Variants in WFDC3 observed in about 807,000 individuals in gnomAD.
WFDC3 encodes the protein WAP four-disulfide core domain 3, also known as WAP four-disulfide core domain protein 3.
WFDC3 carries 15 observed loss-of-function variants against 25.8 expected under a neutral mutation model. The ratio of observed to expected loss-of-function variants is 0.58; its 90% CI spans 0.39 to 0.89. The LOEUF (loss-of-function observed/expected upper bound fraction) is 0.89. Among genes scored for constraint, WFDC3 ranks in the 40% least tolerant of loss-of-function variants. The probability of loss-of-function intolerance (pLI) is 0.00; values close to 1 mark genes in which losing one functional copy is unlikely to be tolerated. For synonymous variants in WFDC3, 103 were observed against 107.1 expected, an observed-to-expected ratio of 0.96 and a Z score of 0.24; for missense variants, 264 against 289.8, an observed-to-expected ratio of 0.91 and a Z score of 0.65.
intron 4 of WFDC3, among the ~76,000 whole-genome samples, chr20:45,779,460 C>G (rs1382115968): frequency 1.3e-5 from 2 of 152,180 alleles, no homozygotes; most frequent in Non-Finnish European, 2.9e-5. Flanking sequence ...TTTTCCTGAA[C>G]AGCCCCTATT....
chr20:45,785,426 G>A (rs559696901), intron 4 of WFDC3, among the ~76,000 whole-genome samples: 19 of 141,102 alleles, frequency 1.3e-4, no homozygotes, highest in South Asian at 4.4e-4. Context: ...CCAAGATCAC[G>A]CCACTGTACT....
intron 1 of WFDC3, chr20:45,790,208 C>G: frequency 4.4e-6 from 2 of 456,042 alleles, no homozygotes; most frequent in East Asian, 3.8e-5. Flanking sequence ...ATGGGAGGAT[C>G]AAATTCTGTA....
chr20:45,786,108 G>C (rs1238998294), intron 4 of WFDC3, among the ~76,000 whole-genome samples: 2 of 152,160 alleles, frequency 1.3e-5, no homozygotes, highest in Non-Finnish European at 1.5e-5. Flanking sequence ...CCAAACCAAT[G>C]TGAGTTCTCA....
At position 45,777,178 on chromosome 20, in the gene WFDC3, G is replaced by A; in HGVS notation, c.390C>T (p.Pro130=). 1.3e-6 allele frequency: 2 copies of A among 1,586,142 alleles called. No homozygotes were observed. Among genetic ancestry groups the A allele is most frequent in the Non-Finnish European group, 8.6e-7 (1 of 1,166,128 alleles). The change falls in exon 5 of 7, where the codon CCC becomes CCT. Residue 130 remains proline, a synonymous_variant. Transcript: ENST00000243938. The stretch of plus-strand genomic sequence containing the variant: ...CATCACACAGCTCCTCACACGGAAG[G>A]GGGTCAGCGGGACATTCACCACCAA... ...AEFGGECPAD[P]LPCEELCDGD...
At chr20:45,781,584 C>T (rs1020287411) in intron 4 of WFDC3, among the ~76,000 whole-genome samples, 3 of 152,178 alleles carry the variant, frequency 2.0e-5, no homozygotes, top group Non-Finnish European at 2.9e-5. Context: ...AGAGTCCTCC[C>T]GGTAGAGTCA....
intron 4 of WFDC3, among the ~76,000 whole-genome samples, chr20:45,783,455 G>C (rs1341014406): frequency 6.6e-6 from 1 of 151,956 alleles, no homozygotes; most frequent in East Asian, 1.9e-4. Context: ...TCCAGCCTGG[G>C]TGATAGAGTG....
intron 4 of WFDC3, among the ~76,000 whole-genome samples, chr20:45,779,143 A>G (rs1331572232): frequency 2.0e-5 from 3 of 152,248 alleles, no homozygotes; most frequent in Non-Finnish European, 4.4e-5. Context: ...CATGCAGGCA[A>G]CTGGCCAGGG....
At position 45,777,089 on chromosome 20, in the gene WFDC3, C is replaced by A; in HGVS notation, c.479G>T (p.Gly160Val). Residue 160 changes from glycine to valine, a missense_variant, in exon 5 of 7, where the codon GGA (glycine) becomes GTA (valine). Transcript: ENST00000243938. ...AGCCAACATACCTCCCTCAATGTCT[C>A]CGAGGCAGGTGCGGCCACAGCCGGT... Reference protein sequence around the residue: ...CSTGCGRTCLGDIEGGRGGDC... With the variant: ...CSTGCGRTCLVDIEGGRGGDC... The A allele has an allele frequency of 6.2e-7, 1 of 1,612,792 alleles. No homozygotes were observed. Among genetic ancestry groups the A allele is most frequent in the Non-Finnish European group, 8.5e-7 (1 of 1,179,620 alleles).
intron 1 of WFDC3, among the ~76,000 whole-genome samples, chr20:45,791,188 T>C: frequency 7.0e-6 from 1 of 142,570 alleles, no homozygotes; most frequent in African/African-American, 2.7e-5. Flanking sequence ...TTTTTTTTTT[T>C]TTTTTTTTTT....
At chr20:45,785,566 A>G (rs1489516811) in intron 4 of WFDC3, among the ~76,000 whole-genome samples, 1 of 152,016 alleles carries the variant, frequency 6.6e-6, no homozygotes, top group Non-Finnish European at 1.5e-5. Flanking sequence ...AATTTAATTT[A>G]TATATCTAAC....
At chr20:45,775,700 A>G in intron 5 of WFDC3, 98 bp from the exon 6 acceptor site, 1 of 1,487,086 alleles carries the variant, frequency 6.7e-7, no homozygotes, top group Non-Finnish European at 9.2e-7. Flanking sequence ...TAGGTCAATC[A>G]ACCCCTGACC....
chr20:45,774,879 T>C (rs556133827), intron 6 of WFDC3, among the ~76,000 whole-genome samples: 14 of 149,386 alleles, frequency 9.4e-5, no homozygotes, highest in African/African-American at 3.5e-4. Flanking sequence ...GAGGCAGAGG[T>C]TGCAGTGAGT....
At chr20:45,788,784 G>C (rs1601018742) in intron 3 of WFDC3, 147 bp downstream of exon 3, 1 of 1,086,676 alleles carries the variant, frequency 9.2e-7, no homozygotes, top group African/African-American at 1.6e-5. Flanking sequence ...ATTAAAGGAG[G>C]AGGGACCCTA....
At chr20:45,776,228 T>C (rs1201116287) in intron 5 of WFDC3, among the ~76,000 whole-genome samples, 1 of 151,706 alleles carries the variant, frequency 6.6e-6, no homozygotes, top group African/African-American at 2.4e-5. Context: ...ATATTTGTTT[T>C]TTTAAAATGT....
intron 1 of WFDC3, 200 bp from the exon 2 acceptor site, chr20:45,790,182 C>T: frequency 2.0e-6 from 1 of 508,302 alleles, no homozygotes. Flanking sequence ...CCTGGCACTA[C>T]CAAAGGGGAC....
At chr20:45,787,707 TG>T in intron 4 of WFDC3, 128 bp downstream of exon 4, 5 of 1,219,022 alleles carry the variant, frequency 4.1e-6, no homozygotes, top group African/African-American at 2.0e-5. Context: ...GTGCACCCTT[TG>T]TATATCTTTT....
chr20:45,783,866 C>T (rs1980556547), intron 4 of WFDC3, among the ~76,000 whole-genome samples: 1 of 152,142 alleles, frequency 6.6e-6, no homozygotes, highest in Non-Finnish European at 1.5e-5. Flanking sequence ...TAGCCTAGCC[C>T]TCCCCTAGGG....
chr20:45,785,447 C>T (rs4625980), intron 4 of WFDC3, among the ~76,000 whole-genome samples: 92,455 of 144,338 alleles, frequency 0.64, 29,537 homozygotes, highest in Admixed American at 0.73. Context: ...CCTGCCTGGG[C>T]GACAGCCTGT....
At chr20:45,776,107 G>A (rs1022228825) in intron 5 of WFDC3, among the ~76,000 whole-genome samples, 9 of 152,040 alleles carry the variant, frequency 5.9e-5, no homozygotes, top group Admixed American at 1.3e-4. Flanking sequence ...AGCTACATAC[G>A]GACAAGAGTC....
Sources: allele counts gnomAD v4.1 joint callset (sites outside exome capture counted in the v4.1 genomes callset), GRCh38; gene constraint gnomAD v4.1.1; transcripts MANE v1.5; gene names NCBI Gene and HGNC (gene_info 2026-07-23, HGNC 2026-07-21).